Variants in NFATC1 observed in about 807,000 individuals in gnomAD.
NFATC1 encodes the protein nuclear factor of activated T cells 1, also known as nuclear factor of activated T-cells, cytoplasmic 1.
Under a neutral mutation model 76.0 loss-of-function variants are expected in NFATC1, and 22 were observed. The observed-to-expected ratio is 0.29, with a 90% confidence interval of 0.21 to 0.41. NFATC1 has a LOEUF of 0.41. Among genes scored for constraint, NFATC1 ranks in the 10% least tolerant of loss-of-function variants. NFATC1 has a pLI of 1.00. For synonymous variants in NFATC1, 704 were observed against 613.1 expected, an observed-to-expected ratio of 1.15 and a Z score of -2.19; for missense variants, 1,357 against 1,337.7, an observed-to-expected ratio of 1.01 and a Z score of -0.23.
At chr18:79,439,142 TC>T (rs917861247) in intron 3 of NFATC1, among the ~76,000 whole-genome samples, 3 of 152,280 alleles carry the variant, frequency 2.0e-5, no homozygotes, top group African/African-American at 7.2e-5. Context: ...CACGCACTGT[TC>T]CACGCAGGGC....
In NFATC1 at chr18:79,438,792, C is replaced by T. The variant is rs577000512; in HGVS notation, c.1386+5054C>T. On this transcript the variant is annotated intron_variant, in intron 3 of 9. Transcript: ENST00000427363. ...CCCAGGGAGGGCTCCTGGCCATACC[C>T]CAAGCTCAGGACGCAGGGTGGGGCG... Among the ~76,000 whole-genome samples, 6 of 152,324 alleles carry T rather than the reference C, an allele frequency of 3.9e-5. No individual in the cohort carries two copies. In the East Asian group the frequency reaches 1.2e-3, roughly 29 times the overall value.
intron 3 of NFATC1, among the ~76,000 whole-genome samples, chr18:79,446,786 G>A (rs1415711695): frequency 6.6e-6 from 1 of 152,210 alleles, no homozygotes; most frequent in African/African-American, 2.4e-5. Context: ...TGGGCTGCTG[G>A]TGGCCTTGGG....
chr18:79,499,295 A>G (rs761796725), intron 9 of NFATC1, among the ~76,000 whole-genome samples: 2 of 152,218 alleles, frequency 1.3e-5, no homozygotes, highest in Non-Finnish European at 2.9e-5. Flanking sequence ...TTTGACTAAG[A>G]TGCTTGTTGT....
intron 2 of NFATC1, among the ~76,000 whole-genome samples, chr18:79,413,137 G>A (rs565856023): frequency 3.3e-5 from 5 of 152,296 alleles, no homozygotes; most frequent in Admixed American, 6.5e-5. Context: ...GCTTACGGAC[G>A]GTGACAAAGT....
intron 1 of NFATC1, among the ~76,000 whole-genome samples, chr18:79,397,645 T>A (rs909324008): frequency 7.2e-5 from 11 of 152,280 alleles, no homozygotes; most frequent in South Asian, 2.1e-4. Context: ...TTTAAAAAAT[T>A]TTTTTTTGTT....
chr18:79,460,764 C>G (rs1474450217), intron 6 of NFATC1, among the ~76,000 whole-genome samples: 1 of 152,164 alleles, frequency 6.6e-6, no homozygotes, highest in African/African-American at 2.4e-5. Flanking sequence ...GGCGTCGCAC[C>G]CTGGCGTGGA....
intron 1 of NFATC1, among the ~76,000 whole-genome samples, chr18:79,409,047 C>T (rs1366636753): frequency 1.1e-5 from 1 of 87,644 alleles, no homozygotes; most frequent in Admixed American, 1.4e-4. Context: ...ATCATCCATC[C>T]ATTATTCCTC....
chr18:79,492,149 C>T (rs762157950), intron 9 of NFATC1, among the ~76,000 whole-genome samples: 4 of 152,118 alleles, frequency 2.6e-5, no homozygotes, highest in East Asian at 1.9e-4. Flanking sequence ...CCACAGTGTC[C>T]GTGTTTGCAT....
chr18:79,473,603 AGC>A lies in NFATC1; in HGVS notation c.2092+6023_2092+6024del, dbSNP rs1330059967. Among the ~76,000 whole-genome samples, 4 of 140,330 alleles carry A rather than the reference AGC, an allele frequency of 2.9e-5. No individual in the cohort carries two copies. The East Asian group carries it at 6.6e-4, about 23-fold the overall frequency. The allele number at this position is 140,330 out of a possible 152,430, so 92.1% of individuals were successfully genotyped here. ...CTGTCGACGTTGTAAACCTGAGGGAAGCGTGTTCTCACACTCACTGTTGACGT... is the reference window on the plus strand; with the variant it reads ...CTGTCGACGTTGTAAACCTGAGGGAAGTGTTCTCACACTCACTGTTGACGT... On this transcript the variant is annotated intron_variant, in intron 8 of 9. Transcript: ENST00000427363.
chr18:79,425,277 C>CTGTCTCTGTCTCTGTCTCTT (rs2086285109), intron 2 of NFATC1, among the ~76,000 whole-genome samples: 1 of 67,836 alleles, frequency 1.5e-5, no homozygotes, highest in African/African-American at 7.7e-5. Context: ...GTCTCTCTCT[C>CTGTCTCTGTCTCTGTCTCTT]TGTCTGTCTT....
intron 9 of NFATC1, among the ~76,000 whole-genome samples, chr18:79,503,933 C>T (rs1380945506): frequency 6.6e-6 from 1 of 152,184 alleles, no homozygotes; most frequent in Non-Finnish European, 1.5e-5. Context: ...ATGAACTAGC[C>T]TCTGCTGGCT....
intron 8 of NFATC1, among the ~76,000 whole-genome samples, chr18:79,482,669 C>T (rs1338698043): frequency 8.5e-6 from 1 of 118,022 alleles, no homozygotes; most frequent in African/African-American, 3.1e-5. Flanking sequence ...CCAGCGTGAC[C>T]TGGTCCTGGG....
intron 3 of NFATC1, among the ~76,000 whole-genome samples, chr18:79,445,624 C>T (rs1333354474): frequency 1.3e-5 from 2 of 152,174 alleles, no homozygotes; most frequent in Admixed American, 1.3e-4. Flanking sequence ...GTTTGTGAGC[C>T]GGATTTTCTG....
chr18:79,397,191 G>GA (rs2085036419), intron 1 of NFATC1, among the ~76,000 whole-genome samples: 2 of 152,214 alleles, frequency 1.3e-5, no homozygotes, highest in African/African-American at 4.8e-5. Flanking sequence ...AAGTGGCTTT[G>GA]AAAATACCCT....
intron 1 of NFATC1, among the ~76,000 whole-genome samples, chr18:79,408,141 A>G (rs1490611085): frequency 6.6e-6 from 1 of 152,208 alleles, no homozygotes; most frequent in Non-Finnish European, 1.5e-5. Context: ...CATTTCTGTT[A>G]GTAAATACAG....
In NFATC1 at chr18:79,432,992, C is replaced by T. The variant is rs1360679716; in HGVS notation, c.1227-587C>T. Reference sequence around the variant, plus strand: ...ACCGAACAGCCTCCCACAGCCCTCACCGTCGTACCCCGCCCTGCTGCGTTT... The same window carrying T: ...ACCGAACAGCCTCCCACAGCCCTCATCGTCGTACCCCGCCCTGCTGCGTTT... On this transcript the variant is annotated intron_variant, in intron 2 of 9. Coordinates refer to ENST00000427363, the MANE Select transcript of NFATC1 (RefSeq NM_001278669.2). Among the ~76,000 whole-genome samples, 4 of 152,352 alleles carry T rather than the reference C, an allele frequency of 2.6e-5. No homozygotes were observed. The East Asian group carries it at 7.7e-4, about 29-fold the overall frequency.
At chr18:79,522,919 C>CATCTGGGAGG (rs1367681516) in intron 9 of NFATC1, among the ~76,000 whole-genome samples, 2 of 152,204 alleles carry the variant, frequency 1.3e-5, no homozygotes, top group East Asian at 3.9e-4. Flanking sequence ...CCCAGGCCGC[C>CATCTGGGAGG]ATCTGGGAGG....
intron 9 of NFATC1, among the ~76,000 whole-genome samples, chr18:79,506,163 A>C (rs1406264537): frequency 6.6e-6 from 1 of 152,178 alleles, no homozygotes; most frequent in Non-Finnish European, 1.5e-5. Flanking sequence ...TGCAAGAAAA[A>C]GGACTCCTTA....
intron 9 of NFATC1, among the ~76,000 whole-genome samples, chr18:79,511,020 G>T (rs1169314054): frequency 6.6e-6 from 1 of 152,238 alleles, no homozygotes; most frequent in South Asian, 2.1e-4. Context: ...CGCTGGCGAG[G>T]CCTGGCGTGG....
Sources: gnomAD v4.1 joint callset for allele counts (sites outside exome capture counted in the v4.1 genomes callset) on GRCh38, gnomAD v4.1.1 for gene constraint, MANE v1.5 for transcripts, NCBI Gene and HGNC (gene_info 2026-07-23, HGNC 2026-07-21) for gene names.